The following RELN variants were observed in gnomAD, a reference collection of about 807,000 sequenced individuals.
The protein encoded by RELN is reelin.
Under a neutral mutation model 427.6 loss-of-function variants are expected in RELN, and 108 were observed. That is an observed-to-expected ratio of 0.25 (90% CI 0.22 to 0.30). RELN has a LOEUF of 0.30. RELN is among the 10% of genes least tolerant of loss of function. The pLI is 1.00. For synonymous variants in RELN, 1,524 were observed against 1,513.4 expected (o/e 1.01, Z -0.16); for missense variants, 3,715 against 4,302.8 (o/e 0.86, Z 3.82).
intron 1 of RELN, among the ~76,000 whole-genome samples, chr7:103,986,134 G>A (rs894897757): frequency 2.0e-5 from 3 of 152,036 alleles, no homozygotes; most frequent in East Asian, 1.9e-4. Flanking sequence ...ACCTCCTTTC[G>A]CTGAGCTTCT....
At chr7:103,881,347 T>A (rs1244139205) in intron 2 of RELN, among the ~76,000 whole-genome samples, 1 of 152,146 alleles carries the variant, frequency 6.6e-6, no homozygotes, top group Non-Finnish European at 1.5e-5. Flanking sequence ...AACCCTCTCC[T>A]GATTTCCTTT....
chr7:103,697,999 G>A lies in RELN; in HGVS notation c.997C>T (p.Leu333Phe), dbSNP rs1219491053. The change falls in exon 10 of 65, where the codon CTT becomes TTT. Residue 333 changes from leucine (L) to phenylalanine (F), a missense_variant. By Grantham distance (22) the Leu-to-Phe change is conservative. Coordinates refer to ENST00000428762, the MANE Select transcript of RELN (RefSeq NM_005045.4). ...GCTTCATACACTTCACCTACACGAA[G>A]ATTTTCCTGCTTCCACTGAAATTGG... ...NVQFQWKQEN[L>F]RVGEVYEACW... 6.2e-7 allele frequency: 1 copy of A among 1,613,828 alleles called. No homozygotes were observed. Among genetic ancestry groups the A allele is most frequent in the South Asian group, 1.1e-5 (1 of 91,088 alleles).
chr7:103,745,124 T>C (rs1461366736), intron 6 of RELN, among the ~76,000 whole-genome samples: 1 of 152,062 alleles, frequency 6.6e-6, no homozygotes, highest in Non-Finnish European at 1.5e-5. Context: ...CGCAAATCAA[T>C]AAATGTAATC....
intron 11 of RELN, among the ~76,000 whole-genome samples, chr7:103,681,364 T>C (rs1208498638): frequency 2.0e-5 from 3 of 152,216 alleles, no homozygotes; most frequent in African/African-American, 7.2e-5. Flanking sequence ...AGTTAAATTA[T>C]TGCTATTTCA....
intron 6 of RELN, among the ~76,000 whole-genome samples, chr7:103,737,216 C>T (rs1466045784): frequency 6.6e-6 from 1 of 152,184 alleles, no homozygotes; most frequent in Non-Finnish European, 1.5e-5. Flanking sequence ...CATCTATTCA[C>T]CATCTCCTGT....
At chr7:103,703,551 G>A (rs893739273) in intron 8 of RELN, among the ~76,000 whole-genome samples, 3 of 152,096 alleles carry the variant, frequency 2.0e-5, no homozygotes, top group Non-Finnish European at 4.4e-5. Flanking sequence ...GAGTGAGGAG[G>A]GAATGCTAAG....
rs1406764791 is a variant in RELN, at chr7:103,847,281, C to G, written c.338-13609G>C. On this transcript the variant is annotated intron_variant, in intron 2 of 64. Coordinates refer to ENST00000428762, the MANE Select transcript of RELN (RefSeq NM_005045.4). ...GTCCTTTGCAGGGACATGGATGAAGCTGGAAACCATCATTCTCAGCAAACT... is the reference window on the plus strand; with the variant it reads ...GTCCTTTGCAGGGACATGGATGAAGGTGGAAACCATCATTCTCAGCAAACT... Among the ~76,000 whole-genome samples the G allele has an allele frequency of 1.1e-4, 16 of 152,128 alleles. 1 individual carries two copies. Among genetic ancestry groups the G allele is most frequent in the Admixed American group, 1.0e-3 (16 of 15,282 alleles).
intron 1 of RELN, among the ~76,000 whole-genome samples, chr7:103,972,084 A>C (rs997091372): frequency 6.6e-6 from 1 of 152,154 alleles, no homozygotes; most frequent in African/African-American, 2.4e-5. Context: ...AAAATAAGTA[A>C]ATAGATAAAA....
At chr7:103,870,237 C>T (rs1794297642) in intron 2 of RELN, among the ~76,000 whole-genome samples, 1 of 152,070 alleles carries the variant, frequency 6.6e-6, no homozygotes, top group Non-Finnish European at 1.5e-5. Flanking sequence ...TCTGGGCCAT[C>T]TCAGGACTGG....
chr7:103,749,549 G>A (rs1790940768), intron 5 of RELN, 45 bp from the exon 6 acceptor site: 2 of 1,372,908 alleles, frequency 1.5e-6, no homozygotes, highest in African/African-American at 1.4e-5. Context: ...TACTACAACA[G>A]TACATTTAGC....
chr7:103,961,573 TC>T (rs2116792143), intron 1 of RELN, among the ~76,000 whole-genome samples: 1 of 152,304 alleles, frequency 6.6e-6, no homozygotes, highest in Admixed American at 6.5e-5. Flanking sequence ...AAACATAACG[TC>T]CTGCTACTGT....
At position 103,647,074 on chromosome 7, in the gene RELN, C is replaced by T. The variant is rs556379182; in HGVS notation, c.2002+3200G>A. Among the ~76,000 whole-genome samples the T allele has an allele frequency of 6.7e-4, 102 of 151,228 alleles. No individual in the cohort carries two copies. The South Asian group carries it at 7.8e-3, about 12-fold the overall frequency. ...GAACATACCTCAAAATAATAAAGGCCGTATATGACAAACCCAAAGCCAACA... is the reference window on the plus strand; with the variant it reads ...GAACATACCTCAAAATAATAAAGGCTGTATATGACAAACCCAAAGCCAACA... On this transcript the variant is annotated intron_variant, in intron 16 of 64. Coordinates refer to ENST00000428762, the MANE Select transcript of RELN (RefSeq NM_005045.4).
intron 3 of RELN, among the ~76,000 whole-genome samples, chr7:103,779,529 C>T (rs262347): frequency 0.012 from 1,858 of 152,172 alleles, 25 homozygotes; most frequent in African/African-American, 0.041. Flanking sequence ...CATTTTTCCT[C>T]GGACACAGAG....
chr7:103,668,892 G>A (rs923894707), intron 11 of RELN, among the ~76,000 whole-genome samples: 1 of 152,124 alleles, frequency 6.6e-6, no homozygotes, highest in Admixed American at 6.6e-5. Flanking sequence ...ATATCTATCT[G>A]CTTTAGAGTA....
chr7:103,544,509 G>T (rs1451213275), intron 42 of RELN, among the ~76,000 whole-genome samples: 1 of 152,112 alleles, frequency 6.6e-6, no homozygotes, highest in African/African-American at 2.4e-5. Context: ...ACAGGCATGA[G>T]CCACTGCACC....
chr7:103,515,387 G>A lies in RELN; in HGVS notation c.7917C>T (p.Arg2639=), dbSNP rs1318247052. Residue 2639 remains arginine, a synonymous_variant, in exon 50 of 65, where the codon CGC becomes CGT. Transcript: ENST00000428762. ...GGCCGTCATGTCTTGGCTGCCACCA[G>A]CGGAAGCGAGTGGCAATCTCTTTAG... is the stretch of plus-strand genomic sequence containing the variant. ...PDAKEIATRF[R]WWQPRHDGLD... is the part of the protein sequence containing the mutation. The A allele has an allele frequency of 6.2e-7, 1 of 1,614,184 alleles. No homozygotes were observed. The highest frequency in any genetic ancestry group is 8.5e-7 in the Non-Finnish European group (1 of 1,180,038).
intron 2 of RELN, among the ~76,000 whole-genome samples, chr7:103,908,981 A>C (rs149116177): frequency 6.6e-6 from 1 of 152,326 alleles, no homozygotes; most frequent in East Asian, 1.9e-4. Flanking sequence ...AGTATGCTTA[A>C]ATTGCATTTA....
At chr7:103,576,894 G>A (rs912312637) in intron 28 of RELN, among the ~76,000 whole-genome samples, 1 of 152,070 alleles carries the variant, frequency 6.6e-6, no homozygotes, top group Non-Finnish European at 1.5e-5. Flanking sequence ...TGTCCCAATT[G>A]CTTTCCAATT....
intron 8 of RELN, among the ~76,000 whole-genome samples, chr7:103,706,084 C>T (rs1479360375): frequency 1.3e-5 from 2 of 152,142 alleles, no homozygotes; most frequent in African/African-American, 2.4e-5. Flanking sequence ...TTACTTTGGG[C>T]TATTTCCCTA....
Sources: allele counts gnomAD v4.1 joint callset (sites outside exome capture counted in the v4.1 genomes callset), GRCh38; gene constraint gnomAD v4.1.1; transcripts MANE v1.5; gene names NCBI Gene and HGNC (gene_info 2026-07-23, HGNC 2026-07-21).